The following ATP8B4 variants were observed in gnomAD, a reference collection of about 807,000 sequenced individuals.
ATP8B4 encodes probable phospholipid-transporting ATPase IM.
A neutral mutation model predicts 145.6 loss-of-function variants in ATP8B4; 133 were observed. The observed-to-expected ratio is 0.91, with a 90% CI of 0.79 to 1.05. ATP8B4 has a LOEUF of 1.05. ATP8B4 is among the 50% of genes least tolerant of loss of function. The probability of loss-of-function intolerance (pLI) is 0.00; values close to 1 mark genes in which losing one functional copy is unlikely to be tolerated. For synonymous variants in ATP8B4, 507 were observed against 492.9 expected, an observed-to-expected ratio of 1.03 and a Z score of -0.38; for missense variants, 1,458 against 1,425.2, an observed-to-expected ratio of 1.02 and a Z score of -0.37.
chr15:50,008,832 T>G (rs1473444553), intron 7 of ATP8B4, among the ~76,000 whole-genome samples: 1 of 152,198 alleles, frequency 6.6e-6, no homozygotes, highest in Non-Finnish European at 1.5e-5. Flanking sequence ...TGTTCACCCT[T>G]GTTAGAGCAC....
Position 50,073,029 on chromosome 15 carries a change from C to T in ATP8B4, c.87+1098G>A, listed in dbSNP as rs1198122313. Among the ~76,000 whole-genome samples the T allele has an allele frequency of 3.3e-3, 361 of 108,706 alleles. 7 individuals carry two copies. Among genetic ancestry groups the T allele is most frequent in the African/African-American group, 0.01 (209 of 20,478 alleles). 71.3% of individuals were successfully genotyped at this position (108,706 alleles called of 152,430 possible). The stretch of plus-strand genomic sequence containing the variant: ...ATATATATATATATATACACACACA[C>T]ACACACACACACACACACACACACT... On this transcript the variant is annotated intron_variant, in intron 3 of 27. Transcript: ENST00000284509.
At chr15:49,904,950 G>A (rs921363322) in intron 20 of ATP8B4, among the ~76,000 whole-genome samples, 6 of 152,056 alleles carry the variant, frequency 3.9e-5, no homozygotes, top group African/African-American at 4.8e-5. Context: ...AATGAAATAC[G>A]GAATGAGTTT....
chr15:50,176,456 T>A (rs1444526804), intron 1 of ATP8B4, among the ~76,000 whole-genome samples: 1 of 151,820 alleles, frequency 6.6e-6, no homozygotes, highest in African/African-American at 2.4e-5. Flanking sequence ...ATCTCACAAA[T>A]CACCATTAAA....
At position 49,996,694 on chromosome 15, in the gene ATP8B4, C is replaced by G; in HGVS notation, c.572G>C (p.Arg191Thr). The change falls in exon 9 of 28, where the codon AGA becomes ACA. Residue 191 changes from arginine (R) to threonine (T), a missense_variant. Physicochemically the swap from Arg to Thr is moderately conservative, Grantham distance 71. Coordinates refer to ENST00000284509, the MANE Select transcript of ATP8B4 (RefSeq NM_024837.4). ...ATACTTACCATCAAACCCTGCAAGT[C>G]TGCTGATATCTGCTCCAAGTTCTGA... is the stretch of plus-strand genomic sequence containing the variant. ...VTSELGADIS[R>T]LAGFDGIVVC... The G allele has an allele frequency of 6.2e-7, 1 of 1,608,092 alleles. No homozygotes were observed. Among genetic ancestry groups the G allele is most frequent in the Non-Finnish European group, 8.5e-7 (1 of 1,175,546 alleles).
intron 1 of ATP8B4, among the ~76,000 whole-genome samples, chr15:50,115,081 A>T (rs993449403): frequency 6.6e-6 from 1 of 152,202 alleles, no homozygotes; most frequent in Non-Finnish European, 1.5e-5. Flanking sequence ...CTGTAATCCC[A>T]ACACTTTGGG....
rs139354218 is a variant in ATP8B4, at chr15:50,054,683, C to T, written c.88-7219G>A. Among the ~76,000 whole-genome samples, 975 of 146,562 alleles carry T rather than the reference C, an allele frequency of 6.7e-3. 12 individuals carry two copies. Among genetic ancestry groups the T allele is most frequent in the African/African-American group, 0.024 (944 of 39,804 alleles). The stretch of plus-strand genomic sequence containing the variant: ...CCTGTAGTCCCAGCTACTTGGGAGG[C>T]TGAGGCAGGAGAATAGCATGAACCC... On this transcript the variant is annotated intron_variant, in intron 3 of 27. Transcript: ENST00000284509.
chr15:50,007,082 C>G (rs892748707), intron 7 of ATP8B4, among the ~76,000 whole-genome samples: 1 of 110,462 alleles, frequency 9.1e-6, no homozygotes, highest in African/African-American at 4.5e-5. Context: ...AATGTACATA[C>G]AAATGCAGAA....
intron 7 of ATP8B4, chr15:50,009,666 T>C (rs1212096117): frequency 4.4e-6 from 2 of 454,982 alleles, no homozygotes; most frequent in Non-Finnish European, 4.4e-6. Context: ...TTATTCCTAA[T>C]CTTTAATGAG....
chr15:50,154,567 A>C (rs1201518449), intron 1 of ATP8B4, among the ~76,000 whole-genome samples: 3 of 152,220 alleles, frequency 2.0e-5, no homozygotes, highest in African/African-American at 7.2e-5. Context: ...TATTTCATAG[A>C]TGAGAACAAT....
intron 1 of ATP8B4, among the ~76,000 whole-genome samples, chr15:50,173,023 C>G (rs891089627): frequency 4.0e-5 from 5 of 124,780 alleles, no homozygotes; most frequent in African/African-American, 1.7e-4. Flanking sequence ...GGGCAGCCCC[C>G]ATCCGGGAGG....
chr15:49,893,039 A>G (rs1399109632), intron 23 of ATP8B4, among the ~76,000 whole-genome samples: 1 of 152,260 alleles, frequency 6.6e-6, no homozygotes. Flanking sequence ...AGCAGTGCCC[A>G]CAGGGAACTG....
intron 25 of ATP8B4, among the ~76,000 whole-genome samples, chr15:49,871,985 C>T (rs1425575853): frequency 6.6e-6 from 1 of 152,126 alleles, no homozygotes; most frequent in Non-Finnish European, 1.5e-5. Flanking sequence ...AACCCTGTAA[C>T]GTGGCAAAGT....
intron 3 of ATP8B4, among the ~76,000 whole-genome samples, chr15:50,065,334 T>G (rs2053307220): frequency 6.6e-6 from 1 of 152,204 alleles, no homozygotes; most frequent in South Asian, 2.1e-4. Context: ...CCTTGGTACA[T>G]AAATGATTTG....
At chr15:50,116,928 G>T (rs12909011) in intron 1 of ATP8B4, among the ~76,000 whole-genome samples, 1 of 151,932 alleles carries the variant, frequency 6.6e-6, no homozygotes, top group Non-Finnish European at 1.5e-5. Context: ...ATGTTGCTAG[G>T]AGGTTACTAT....
chr15:50,117,495 C>T (rs991175403), intron 1 of ATP8B4, among the ~76,000 whole-genome samples: 2 of 152,178 alleles, frequency 1.3e-5, no homozygotes, highest in East Asian at 3.8e-4. Flanking sequence ...AAAAAATCCT[C>T]CAGGGGCACA....
rs761860002 is a variant in ATP8B4 at position 49,866,333 on chromosome 15, A to G, written c.3166+13T>C. ...CAGACACTAGGTTCCACTAGTCAAC[A>G]TGACTCACTTACCAACAAATGGAAA... On this transcript the variant is annotated intron_variant, in intron 26 of 27. Transcript: ENST00000284509. 44 of 1,613,342 alleles carry G rather than the reference A, an allele frequency of 2.7e-5. No homozygotes were observed. The highest frequency in any genetic ancestry group is 3.7e-5 in the Non-Finnish European group (44 of 1,179,458).
At chr15:50,090,765 T>C (rs1001412329) in intron 2 of ATP8B4, among the ~76,000 whole-genome samples, 3 of 152,218 alleles carry the variant, frequency 2.0e-5, no homozygotes, top group Non-Finnish European at 2.9e-5. Context: ...GTGATTTTTT[T>C]TTTTTAGAGA....
intron 1 of ATP8B4, among the ~76,000 whole-genome samples, chr15:50,177,042 T>C (rs763097061): frequency 7.2e-5 from 11 of 152,166 alleles, no homozygotes; most frequent in Non-Finnish European, 1.5e-4. Flanking sequence ...AGACAGTCAA[T>C]AGGATGACAG....
chr15:50,175,038 G>C (rs959266024), intron 1 of ATP8B4, among the ~76,000 whole-genome samples: 2 of 152,074 alleles, frequency 1.3e-5, no homozygotes, highest in Admixed American at 6.6e-5. Flanking sequence ...AAAACATAAA[G>C]TGGGGAAAGG....
Sources: gnomAD v4.1 joint callset for allele counts (sites outside exome capture counted in the v4.1 genomes callset) on GRCh38, gnomAD v4.1.1 for gene constraint, MANE v1.5 for transcripts, NCBI Gene and HGNC (gene_info 2026-07-23, HGNC 2026-07-21) for gene names.